Variants in GNG7 observed in about 807,000 individuals in gnomAD.
GNG7 encodes the protein G protein subunit gamma 7.
Under a neutral mutation model 4.0 loss-of-function variants are expected in GNG7, and 1 was observed. The ratio of observed to expected loss-of-function variants is 0.25; its 90% CI spans 0.09 to 1.18. GNG7 has a LOEUF of 1.18. Ranked by LOEUF, GNG7 falls within the 50% of genes most tolerant of loss-of-function variation. The pLI, the probability that GNG7 is intolerant of heterozygous loss-of-function variation, is 0.50. For missense variants in GNG7, 86 were observed against 91.9 expected (o/e 0.94, Z 0.26); for synonymous variants, 34 against 36.9 (o/e 0.92, Z 0.29).
intron 2 of GNG7, among the ~76,000 whole-genome samples, chr19:2,613,873 G>A (rs991749119): frequency 6.6e-6 from 1 of 152,214 alleles, no homozygotes; most frequent in Admixed American, 6.5e-5. Context: ...AAGATCAAGG[G>A]ACCCTGGCTA....
intron 2 of GNG7, among the ~76,000 whole-genome samples, chr19:2,607,079 G>A (rs2074910475): frequency 6.6e-6 from 1 of 151,716 alleles, no homozygotes; most frequent in African/African-American, 2.4e-5. Context: ...AAATTAGCTG[G>A]GCATGGTGGT....
chr19:2,591,619 T>G (rs1404652861), intron 2 of GNG7, among the ~76,000 whole-genome samples: 1 of 151,974 alleles, frequency 6.6e-6, no homozygotes, highest in Non-Finnish European at 1.5e-5. Flanking sequence ...TCTTCTACAA[T>G]GGGTGTGTTA....
chr19:2,513,665 G>T lies in GNG7; in HGVS notation c.*1357C>A. On this transcript the variant is annotated 3_prime_UTR_variant, in exon 5 of 5. Coordinates refer to ENST00000382159, the MANE Select transcript of GNG7 (RefSeq NM_052847.3). ...GATCGGGTTCGAGCGACAGGGTAAC[G>T]TTTTGAGCGGACGTTTTGATCTCCG... 1.5e-6 allele frequency: 1 copy of T among 674,488 alleles called. No homozygotes were observed. Among genetic ancestry groups the T allele is most frequent in the Non-Finnish European group, 1.8e-6 (1 of 546,360 alleles). The allele number at this position is 674,488 out of a possible 1,614,324, so 41.8% of individuals were successfully genotyped here.
intron 3 of GNG7, among the ~76,000 whole-genome samples, chr19:2,547,244 T>C (rs1979159615): frequency 1.3e-5 from 2 of 152,080 alleles, no homozygotes; most frequent in Non-Finnish European, 2.9e-5. Flanking sequence ...TTGTGGCTGC[T>C]GCACACGACC....
chr19:2,646,917 G>A (rs1388108645), intron 1 of GNG7, among the ~76,000 whole-genome samples: 1 of 152,130 alleles, frequency 6.6e-6, no homozygotes, highest in Non-Finnish European at 1.5e-5. Flanking sequence ...TTAGTCCCAC[G>A]GTGCCCAGAA....
At position 2,557,149 on chromosome 19, in the gene GNG7, T is replaced by TGCACACAAAGACACGC. The variant is rs1163311408; in HGVS notation, c.-77-1977_-77-1962dup. On this transcript the variant is annotated intron_variant, in intron 2 of 4. Coordinates refer to ENST00000382159, the MANE Select transcript of GNG7 (RefSeq NM_052847.3). The surrounding 1 kb of genome is among the most constrained non-coding windows in gnomAD (Gnocchi z 5.1). ...CACGTGTACTGCACACTCACGCACA[T>TGCACACAAAGACACGC]GCACACAAAGACACGCGCACACACG... Among the ~76,000 whole-genome samples the TGCACACAAAGACACGC allele has an allele frequency of 1.9e-3, 287 of 148,598 alleles. 3 individuals carry two copies. The highest frequency in any genetic ancestry group is 7.0e-3 in the African/African-American group (278 of 39,906).
chr19:2,534,423 A>T (rs1314248600), intron 3 of GNG7, among the ~76,000 whole-genome samples: 2 of 152,198 alleles, frequency 1.3e-5, no homozygotes, highest in African/African-American at 4.8e-5. Context: ...TTACAAAATC[A>T]AGTGCAAAAA....
At chr19:2,568,210 CACAT>C (rs1432682816) in intron 2 of GNG7, among the ~76,000 whole-genome samples, 1 of 150,546 alleles carries the variant, frequency 6.6e-6, no homozygotes, top group East Asian at 2.0e-4. Flanking sequence ...TATAGACATA[CACAT>C]ACAGACATGC....
At chr19:2,654,333 C>G (rs1011918916) in intron 1 of GNG7, among the ~76,000 whole-genome samples, 1 of 148,606 alleles carries the variant, frequency 6.7e-6, no homozygotes, top group African/African-American at 2.5e-5. Context: ...GGGTCCCCCT[C>G]CCAACCCCCA....
At chr19:2,684,762 G>C (rs1482666905) in intron 1 of GNG7, among the ~76,000 whole-genome samples, 1 of 151,986 alleles carries the variant, frequency 6.6e-6, no homozygotes, top group Non-Finnish European at 1.5e-5. Context: ...GCCGAGGCGG[G>C]TGGATCACCT....
chr19:2,562,743 C>T (rs1979782293), intron 2 of GNG7, among the ~76,000 whole-genome samples: 1 of 152,136 alleles, frequency 6.6e-6, no homozygotes, highest in Non-Finnish European at 1.5e-5. Context: ...TCCACAGACC[C>T]CCAAGAGACT....
Position 2,557,455 on chromosome 19 carries a change from C to A in GNG7, c.-77-2267G>T, listed in dbSNP as rs1456772552. Among the ~76,000 whole-genome samples, 1 of 152,250 alleles carries A rather than the reference C, an allele frequency of 6.6e-6. No individual in the cohort carries two copies. Among genetic ancestry groups the A allele is most frequent in the Non-Finnish European group, 1.5e-5 (1 of 68,048 alleles). ...TCCTGCTAGTAAACATGCACAGACT[C>A]AAGAAACGAGGGGCTGCAGGACTTT... is the stretch of plus-strand genomic sequence containing the variant. On this transcript the variant is annotated intron_variant, in intron 2 of 4. Transcript: ENST00000382159. The surrounding 1 kb of genome is among the most constrained non-coding windows in gnomAD (Gnocchi z 5.1).
chr19:2,643,775 G>A (rs1263616450), intron 2 of GNG7: 1 of 383,602 alleles, frequency 2.6e-6, no homozygotes, highest in Non-Finnish European at 5.2e-6. Flanking sequence ...TGGTTCTAAG[G>A]GTTGCCATTC....
At chr19:2,553,593 A>G (rs1221348879) in intron 3 of GNG7, among the ~76,000 whole-genome samples, 2 of 149,104 alleles carry the variant, frequency 1.3e-5, no homozygotes, top group East Asian at 3.9e-4. Flanking sequence ...ACACGCACAT[A>G]TTACATGCAA....
chr19:2,537,244 C>T (rs933789743), intron 3 of GNG7, among the ~76,000 whole-genome samples: 7 of 151,704 alleles, frequency 4.6e-5, no homozygotes, highest in Non-Finnish European at 7.4e-5. Flanking sequence ...CCACCGCGCC[C>T]GGCCACATAC....
intron 2 of GNG7, among the ~76,000 whole-genome samples, chr19:2,585,533 C>T (rs1183280364): frequency 2.0e-5 from 3 of 152,168 alleles, no homozygotes; most frequent in Non-Finnish European, 1.5e-5. Context: ...GCAACTTCTC[C>T]GTAAGTTCAA....
chr19:2,680,897 C>T lies in GNG7; in HGVS notation c.-135+21749G>A, dbSNP rs567537522. On this transcript the variant is annotated intron_variant, in intron 1 of 4. Transcript: ENST00000382159. ...ACAGCTCACTGCAACCTTCGTCTCC[C>T]GAGCTCGCATGAGGGTCCCCATGTC... 5.3e-5 allele frequency among the ~76,000 whole-genome samples: 8 copies of T among 152,016 alleles called. No individual in the cohort carries two copies. In the East Asian group the frequency reaches 1.4e-3, roughly 26 times the overall value.
At chr19:2,700,410 G>A (rs1044294126) in intron 1 of GNG7, among the ~76,000 whole-genome samples, 8 of 152,054 alleles carry the variant, frequency 5.3e-5, no homozygotes, top group Non-Finnish European at 7.4e-5. Flanking sequence ...CCCAAAGCGC[G>A]GGGATTACAG....
intron 2 of GNG7, among the ~76,000 whole-genome samples, chr19:2,616,337 C>T (rs1032957053): frequency 4.6e-5 from 7 of 152,006 alleles, no homozygotes; most frequent in Admixed American, 1.3e-4. Context: ...CTCTGCCTCC[C>T]GTGTTCCAGC....
Sources: gnomAD v4.1 joint callset for allele counts (sites outside exome capture counted in the v4.1 genomes callset) on GRCh38, gnomAD v4.1.1 for gene constraint, Gnocchi (gnomAD v3.1) non-coding constraint, MANE v1.5 for transcripts, NCBI Gene and HGNC (gene_info 2026-07-23, HGNC 2026-07-21) for gene names.